RERE: variants seen among roughly 807,000 people sequenced by gnomAD.
RERE encodes arginine-glutamic acid dipeptide repeats protein.
In RERE, 40 loss-of-function variants were observed where a neutral mutation model predicts 146.1. The observed-to-expected ratio is 0.27, with a 90% CI of 0.21 to 0.36. The LOEUF (loss-of-function observed/expected upper bound fraction) is 0.36. RERE is among the 10% of genes least tolerant of loss of function. The pLI, the probability that RERE is intolerant of heterozygous loss-of-function variation, is 1.00. For synonymous variants in RERE, 1,003 were observed against 866.0 expected (o/e 1.16, Z -2.78); for missense variants, 1,933 against 2,138.7 (o/e 0.90, Z 1.90).
intron 12 of RERE, among the ~76,000 whole-genome samples, chr1:8,406,385 A>C (rs1304045116): frequency 1.3e-5 from 2 of 152,106 alleles, no homozygotes; most frequent in African/African-American, 4.8e-5. Flanking sequence ...TAATATTTTC[A>C]AGAGAAGAAA....
At chr1:8,505,395 C>T (rs1042465497) in intron 8 of RERE, among the ~76,000 whole-genome samples, 13 of 152,016 alleles carry the variant, frequency 8.6e-5, no homozygotes, top group Admixed American at 2.0e-4. Context: ...TTTAAAATAA[C>T]GGCAGGAAGA....
chr1:8,700,741 G>A (rs1358737192), intron 1 of RERE, among the ~76,000 whole-genome samples: 1 of 152,036 alleles, frequency 6.6e-6, no homozygotes, highest in African/African-American at 2.4e-5. Context: ...AGTTAACAAA[G>A]AACCCATTTT....
intron 1 of RERE, among the ~76,000 whole-genome samples, chr1:8,703,499 C>G (rs1197598878): frequency 6.6e-6 from 1 of 151,820 alleles, no homozygotes; most frequent in South Asian, 2.1e-4. Context: ...CGCACCCCTG[C>G]TGGCCGCCGC....
intron 1 of RERE, among the ~76,000 whole-genome samples, chr1:8,730,698 G>A (rs1394208131): frequency 2.6e-5 from 4 of 152,198 alleles, no homozygotes; most frequent in African/African-American, 9.7e-5. Flanking sequence ...GTGTACAGTG[G>A]TGCAATCACA....
intron 1 of RERE, chr1:8,703,192 CTA>C (rs1384591744): frequency 1.3e-5 from 2 of 151,692 alleles, no homozygotes; most frequent in South Asian, 2.1e-4. Flanking sequence ...AGTGCACTTG[CTA>C]AAACAAAAGG....
At chr1:8,456,886 G>A (rs1208395036) in intron 11 of RERE, among the ~76,000 whole-genome samples, 1 of 152,074 alleles carries the variant, frequency 6.6e-6, no homozygotes, top group Admixed American at 6.5e-5. Flanking sequence ...CCCTCTACCT[G>A]GTATTTCCTA....
At chr1:8,548,678 C>A (rs765992776) in intron 6 of RERE, among the ~76,000 whole-genome samples, 22 of 152,150 alleles carry the variant, frequency 1.4e-4, no homozygotes, top group East Asian at 1.9e-4. Flanking sequence ...TTATAAATAA[C>A]GGAAAGTGAA....
rs1641519320 is a variant in RERE at position 8,360,467 on chromosome 1, G to T, written c.3040C>A (p.Pro1014Thr). 5 of 591,156 alleles carry T rather than the reference G, an allele frequency of 8.5e-6. No homozygotes were observed. The highest frequency in any genetic ancestry group is 1.1e-5 in the Non-Finnish European group (4 of 379,752). The allele number at this position is 591,156 out of a possible 1,614,324, so 36.6% of individuals were successfully genotyped here. A position where few individuals can be genotyped will look rare whatever the true frequency, so the allele number is the denominator to read the frequency against. The change falls in exon 18 of 23, where the codon CCC becomes ACC. Residue 1014 changes from proline to threonine, a missense_variant. Physicochemically the swap from Pro to Thr is conservative, Grantham distance 38 (BLOSUM62 -1). Transcript: ENST00000400908. ...GGGGGGTGGGAGGCAGGGGGCGGGGGCAGGTTCTGGCTCTGGGTCAGCCCG... is the reference window on the plus strand; with the variant it reads ...GGGGGGTGGGAGGCAGGGGGCGGGGTCAGGTTCTGGCTCTGGGTCAGCCCG... ...PPGLTQSQNL[P>T]PPPASHPPTG...
chr1:8,365,667 G>A (rs1265823274), intron 13 of RERE, 145 bp downstream of exon 13: 24 of 801,646 alleles, frequency 3.0e-5, no homozygotes, highest in Non-Finnish European at 4.7e-5. Flanking sequence ...TCTATGTTTA[G>A]GTCAGGCTTC....
intron 1 of RERE, among the ~76,000 whole-genome samples, chr1:8,699,346 C>T (rs553794646): frequency 1.3e-5 from 2 of 152,230 alleles, no homozygotes; most frequent in East Asian, 3.9e-4. Flanking sequence ...TAACTATTTA[C>T]CACTACGCTG....
chr1:8,561,820 G>T (rs1224649525), intron 4 of RERE, among the ~76,000 whole-genome samples: 2 of 152,226 alleles, frequency 1.3e-5, no homozygotes, highest in Non-Finnish European at 2.9e-5. Context: ...TAGAAAGTTA[G>T]ACACAGGTAA....
chr1:8,387,711 C>T (rs2124419858), intron 12 of RERE, among the ~76,000 whole-genome samples: 1 of 152,170 alleles, frequency 6.6e-6, no homozygotes, highest in South Asian at 2.1e-4. Context: ...GACTGGAAAC[C>T]AGGGAAATAC....
In RERE at chr1:8,667,653, G is replaced by A. The variant is rs545370951; in HGVS notation, c.-144-11212C>T. 7.9e-5 allele frequency among the ~76,000 whole-genome samples: 12 copies of A among 152,152 alleles called. No individual in the cohort carries two copies. The South Asian group carries it at 2.5e-3, about 32-fold the overall frequency. Reference sequence around the variant, plus strand: ...GATGGCGCCACTGCACTCCAGCCTGGGCAACAGAGCAAGACTCCGTCTCAA... The same window carrying A: ...GATGGCGCCACTGCACTCCAGCCTGAGCAACAGAGCAAGACTCCGTCTCAA... On this transcript the variant is annotated intron_variant, in intron 1 of 22. Transcript: ENST00000400908.
At chr1:8,697,045 A>G (rs568923823) in intron 1 of RERE, among the ~76,000 whole-genome samples, 146 of 152,394 alleles carry the variant, frequency 9.6e-4, no homozygotes, top group Middle Eastern at 6.8e-3. Context: ...TTAAGAGTAA[A>G]TACTGTTAAG....
intron 7 of RERE, among the ~76,000 whole-genome samples, chr1:8,534,562 A>T (rs1370921766): frequency 6.6e-6 from 1 of 152,220 alleles, no homozygotes; most frequent in Non-Finnish European, 1.5e-5. Context: ...TTAGCACCAA[A>T]TCTAGGCTTT....
chr1:8,640,246 A>T (rs1194307109), intron 2 of RERE, among the ~76,000 whole-genome samples: 2 of 152,204 alleles, frequency 1.3e-5, no homozygotes, highest in Non-Finnish European at 2.9e-5. Flanking sequence ...AAAGAGAGGT[A>T]TAACTATAAT....
chr1:8,638,089 TTAAA>T (rs1202652753), intron 2 of RERE, among the ~76,000 whole-genome samples: 3 of 152,246 alleles, frequency 2.0e-5, no homozygotes, highest in South Asian at 2.1e-4. Context: ...ATACCTGTTC[TTAAA>T]TAAATTTTTT....
chr1:8,354,937 G>T lies in RERE; in HGVS notation c.*150C>A. On this transcript the variant is annotated 3_prime_UTR_variant, in exon 23 of 23. Coordinates refer to ENST00000400908, the MANE Select transcript of RERE (RefSeq NM_001042681.2). ...TCTCGACAAACGAACACTACTATGT[G>T]GATACATTTTTAGTTGTGGGTTTTT... 1 of 667,838 alleles carries T rather than the reference G, an allele frequency of 1.5e-6. No individual in the cohort carries two copies. Among genetic ancestry groups the T allele is most frequent in the Non-Finnish European group, 2.6e-6 (1 of 390,242 alleles). The allele number at this position is 667,838 out of a possible 1,614,324, so 41.4% of individuals were successfully genotyped here. A position where few individuals can be genotyped will look rare whatever the true frequency, so the allele number is the denominator to read the frequency against.
intron 1 of RERE, among the ~76,000 whole-genome samples, chr1:8,744,381 C>T (rs1229916586): frequency 6.6e-6 from 1 of 152,206 alleles, no homozygotes; most frequent in Non-Finnish European, 1.5e-5. Context: ...GAGGGTCACA[C>T]TAACCACAGG....
Sources: gnomAD v4.1 joint callset for allele counts (sites outside exome capture counted in the v4.1 genomes callset) on GRCh38, gnomAD v4.1.1 for gene constraint, MANE v1.5 for transcripts, NCBI Gene and HGNC (gene_info 2026-07-23, HGNC 2026-07-21) for gene names.